The following DNAJB1 variants were observed in gnomAD, a reference collection of about 807,000 sequenced individuals.
DNAJB1 encodes DnaJ heat shock protein family (Hsp40) member B1.
A neutral mutation model predicts 24.0 loss-of-function variants in DNAJB1; 14 were observed. The observed-to-expected ratio is 0.58, with a 90% CI of 0.39 to 0.91. The LOEUF (loss-of-function observed/expected upper bound fraction) is 0.91, where lower values mean the gene tolerates loss of function less well. Among genes scored for constraint, DNAJB1 ranks in the 40% least tolerant of loss-of-function variants. The pLI, the probability that DNAJB1 is intolerant of heterozygous loss-of-function variation, is 0.00. For synonymous variants in DNAJB1, 262 were observed against 174.4 expected (o/e 1.50, Z -3.96); for missense variants, 517 against 458.1 (o/e 1.13, Z -1.17).
upstream of DNAJB1, among the ~76,000 whole-genome samples, chr19:14,518,810 AG>A (rs1226422906): frequency 6.6e-6 from 1 of 152,180 alleles, no homozygotes; most frequent in Admixed American, 6.5e-5. Flanking sequence ...TTTCCCCGGG[AG>A]GCGATGAACC....
chr19:14,517,877 G>A, intron 1 of DNAJB1: 2 of 373,682 alleles, frequency 5.4e-6, no homozygotes, highest in Non-Finnish European at 4.8e-6. Context: ...CCCCGGGGCT[G>A]CTCGGGGCCG....
chr19:14,551,587 T>C (rs1349161239), upstream of DNAJB1, among the ~76,000 whole-genome samples: 1 of 152,116 alleles, frequency 6.6e-6, no homozygotes, highest in Non-Finnish European at 1.5e-5. Context: ...TCTAGGCCCA[T>C]TGGCTGTCTT....
intron 1 of DNAJB1, among the ~76,000 whole-genome samples, chr19:14,538,715 T>A (rs1266643554): frequency 1.3e-5 from 2 of 151,530 alleles, no homozygotes; most frequent in Non-Finnish European, 2.9e-5. Flanking sequence ...GTATTTTTAG[T>A]AGAGACGGGG....
chr19:14,554,499 C>T (rs1283907600), upstream of DNAJB1, among the ~76,000 whole-genome samples: 10 of 152,202 alleles, frequency 6.6e-5, no homozygotes, highest in Non-Finnish European at 5.9e-5. Context: ...TGCTTGTTTA[C>T]AGCCGGGAGA....
At position 14,517,853 on chromosome 19, in the gene DNAJB1, C is replaced by A. The variant is rs540079993; in HGVS notation, c.211+286G>T. On this transcript the variant is annotated intron_variant, in intron 1 of 2. Coordinates refer to ENST00000254322, the MANE Select transcript of DNAJB1 (RefSeq NM_006145.3). Reference sequence around the variant, plus strand: ...CCGTCGTCACCCCCGGCTCCCCCACCCCCATGCACCGCACCCCGGGGCTGC... The same window carrying A: ...CCGTCGTCACCCCCGGCTCCCCCACACCCATGCACCGCACCCCGGGGCTGC... The A allele has an allele frequency of 4.9e-3, 1,600 of 328,520 alleles. 8 individuals are homozygous for A. Among genetic ancestry groups the A allele is most frequent in the Middle Eastern group, 6.6e-3 (8 of 1,214 alleles). 20.4% of individuals were successfully genotyped at this position (328,520 alleles called of 1,614,324 possible).
At chr19:14,549,211 C>CTTTTTTTTTTTTT (rs561284094) in intron 1 of DNAJB1, among the ~76,000 whole-genome samples, 1 of 111,162 alleles carries the variant, frequency 9.0e-6, no homozygotes, top group Non-Finnish European at 1.8e-5. Context: ...TTTAATTGGA[C>CTTTTTTTTTTTTT]TTTTTTTTTT....
intron 1 of DNAJB1, among the ~76,000 whole-genome samples, chr19:14,548,601 G>A (rs778845365): frequency 1.3e-5 from 2 of 152,154 alleles, no homozygotes. Flanking sequence ...TTTTAGAGAC[G>A]GAGTTTTGCA....
At chr19:14,549,015 GA>G (rs907990704) in intron 1 of DNAJB1, among the ~76,000 whole-genome samples, 4 of 134,224 alleles carry the variant, frequency 3.0e-5, no homozygotes, top group African/African-American at 1.3e-4. Context: ...AGGTTTCTTT[GA>G]TTTTTTTTTT....
Position 14,515,188 on chromosome 19 carries a change from C to A in DNAJB1, c.*752G>T, listed in dbSNP as rs538762499. Reference sequence around the variant, plus strand: ...TTACCTGGGCCACTGGTAAGCCCCACGTGTGCCAAGATTGCCTTACAGAAA... The same window carrying A: ...TTACCTGGGCCACTGGTAAGCCCCAAGTGTGCCAAGATTGCCTTACAGAAA... On this transcript the variant is annotated 3_prime_UTR_variant, in exon 3 of 3. Coordinates refer to ENST00000254322, the MANE Select transcript of DNAJB1 (RefSeq NM_006145.3). 6.6e-6 allele frequency: 1 copy of A among 152,650 alleles called. No individual in the cohort carries two copies. The highest frequency in any genetic ancestry group is 1.5e-5 in the Non-Finnish European group (1 of 68,074). The allele number at this position is 152,650 out of a possible 1,614,324, so 9.5% of individuals were successfully genotyped here. A position where few individuals can be genotyped will look rare whatever the true frequency, so the allele number is the denominator to read the frequency against.
chr19:14,522,675 CACACACAG>C (rs1555726543), upstream of DNAJB1, among the ~76,000 whole-genome samples: 8 of 84,310 alleles, frequency 9.5e-5, no homozygotes, highest in East Asian at 5.3e-4. Context: ...AACACAGACA[CACACACAG>C]ACACACACAC....
At chr19:14,537,794 TG>T (rs1316040407) in intron 1 of DNAJB1, among the ~76,000 whole-genome samples, 1 of 145,028 alleles carries the variant, frequency 6.9e-6, no homozygotes, top group African/African-American at 2.5e-5. Context: ...TCCCCTAGGC[TG>T]GGGTGCAATG....
At chr19:14,554,963 G>C (rs1019918883), upstream of DNAJB1, among the ~76,000 whole-genome samples, 2 of 151,564 alleles carry the variant, frequency 1.3e-5, no homozygotes, top group Admixed American at 6.6e-5. Context: ...ATTTTTAGTA[G>C]AGATGGGGTT....
chr19:14,528,115 C>G (rs1313603159), intron 1 of DNAJB1, among the ~76,000 whole-genome samples: 1 of 151,948 alleles, frequency 6.6e-6, no homozygotes, highest in South Asian at 2.1e-4. Flanking sequence ...AATTCCTGAC[C>G]TCATGTGATC....
At chr19:14,541,397 G>A (rs1243828361) in intron 1 of DNAJB1, among the ~76,000 whole-genome samples, 2 of 152,130 alleles carry the variant, frequency 1.3e-5, no homozygotes, top group Non-Finnish European at 2.9e-5. Flanking sequence ...GGAAGCTGCC[G>A]AGACAACACT....
chr19:14,519,522 C>A (rs543161715), upstream of DNAJB1, among the ~76,000 whole-genome samples: 1 of 152,198 alleles, frequency 6.6e-6, no homozygotes, highest in Non-Finnish European at 1.5e-5. Flanking sequence ...GCGCATCTCC[C>A]AAGGTCCTCC....
intron 1 of DNAJB1, chr19:14,529,167 A>C: frequency 4.7e-6 from 1 of 214,514 alleles, no homozygotes; most frequent in African/African-American, 2.3e-5. Flanking sequence ...CCCAGCCCCT[A>C]GCCCTCTCCT....
At chr19:14,554,998 T>C (rs1246911992), upstream of DNAJB1, among the ~76,000 whole-genome samples, 2 of 151,806 alleles carry the variant, frequency 1.3e-5, no homozygotes, top group Non-Finnish European at 2.9e-5. Context: ...TGGCTGGTCT[T>C]GATCTCTTGA....
At chr19:14,535,042 G>A (rs1232053089) in intron 1 of DNAJB1, among the ~76,000 whole-genome samples, 1 of 152,048 alleles carries the variant, frequency 6.6e-6, no homozygotes, top group African/African-American at 2.4e-5. Context: ...CCCTAAAATC[G>A]GATGGGCTGC....
At chr19:14,529,431 C>T, upstream of DNAJB1, 3 of 616,122 alleles carry the variant, frequency 4.9e-6, no homozygotes, top group Non-Finnish European at 8.8e-6. Flanking sequence ...GGCGTTCCGC[C>T]CCCTTCGATT....
Sources: gnomAD v4.1 joint callset for allele counts (sites outside exome capture counted in the v4.1 genomes callset) on GRCh38, gnomAD v4.1.1 for gene constraint, MANE v1.5 for transcripts, NCBI Gene and HGNC (gene_info 2026-07-23, HGNC 2026-07-21) for gene names.